The following PHLPP1 variants were observed in gnomAD, a reference collection of about 807,000 sequenced individuals.
PHLPP1 encodes PH domain leucine-rich repeat-containing protein phosphatase 1.
Under a neutral mutation model 117.2 loss-of-function variants are expected in PHLPP1, and 42 were observed. The observed-to-expected ratio is 0.36, with a 90% CI of 0.28 to 0.46. PHLPP1 has a LOEUF of 0.46. PHLPP1 is among the 20% of genes least tolerant of loss of function. The probability of loss-of-function intolerance (pLI) is 1.00; values close to 1 mark genes in which losing one functional copy is unlikely to be tolerated. For missense variants in PHLPP1, 2,084 were observed against 2,241.9 expected (o/e 0.93, Z 1.42); for synonymous variants, 1,042 against 970.7 (o/e 1.07, Z -1.37).
chr18:62,970,745 A>G (rs760985690), intron 14 of PHLPP1, among the ~76,000 whole-genome samples: 2 of 152,138 alleles, frequency 1.3e-5, no homozygotes, highest in Non-Finnish European at 2.9e-5. Flanking sequence ...AGCCTGTGTG[A>G]CAGAGTGAGA....
At chr18:62,926,206 C>A (rs1287396263) in intron 10 of PHLPP1, among the ~76,000 whole-genome samples, 1 of 152,102 alleles carries the variant, frequency 6.6e-6, no homozygotes, top group Non-Finnish European at 1.5e-5. Context: ...TCATTCTTTT[C>A]TCTCCCCTAT....
chr18:62,912,864 A>AC (rs1337570412), intron 8 of PHLPP1, among the ~76,000 whole-genome samples: 3 of 152,016 alleles, frequency 2.0e-5, no homozygotes, highest in African/African-American at 7.2e-5. Flanking sequence ...CAAGTGATCC[A>AC]CCCGCCTTGG....
At position 62,728,768 on chromosome 18, in the gene PHLPP1, A is replaced by G. The variant is rs187872199; in HGVS notation, c.1576+11509A>G. 1.5e-3 allele frequency among the ~76,000 whole-genome samples: 228 copies of G among 152,080 alleles called. 1 individual carries two copies. Among genetic ancestry groups the G allele is most frequent in the African/African-American group, 5.3e-3 (218 of 41,476 alleles). On this transcript the variant is annotated intron_variant, in intron 1 of 16. Coordinates refer to ENST00000262719, the MANE Select transcript of PHLPP1 (RefSeq NM_194449.4). ...GTGATCTGCCCGCCTCGGCCTCCCA[A>G]AGTGCTGGGATTACAGGCATGAGCC...
chr18:62,830,012 A>T, intron 1 of PHLPP1, 23 bp from the exon 2 acceptor site: 1 of 1,574,674 alleles, frequency 6.4e-7, no homozygotes, highest in Non-Finnish European at 8.7e-7. Flanking sequence ...AAAGAATAAC[A>T]TGTTTGCTTC....
At chr18:62,952,672 GC>G (rs1196101172) in intron 12 of PHLPP1, among the ~76,000 whole-genome samples, 1 of 152,206 alleles carries the variant, frequency 6.6e-6, no homozygotes, top group Non-Finnish European at 1.5e-5. Context: ...TGTTGCGCAT[GC>G]CGGAGTGCAG....
At chr18:62,834,893 T>C (rs1914849283) in intron 2 of PHLPP1, among the ~76,000 whole-genome samples, 1 of 151,888 alleles carries the variant, frequency 6.6e-6, no homozygotes. Context: ...TCTCCATCCC[T>C]AAGAAACCTT....
At chr18:62,732,239 C>G (rs1311834260) in intron 1 of PHLPP1, among the ~76,000 whole-genome samples, 2 of 152,170 alleles carry the variant, frequency 1.3e-5, no homozygotes. Context: ...AAAGGATAGG[C>G]TGACTCTCTT....
At chr18:62,822,647 G>C (rs762512639) in intron 1 of PHLPP1, among the ~76,000 whole-genome samples, 1 of 152,144 alleles carries the variant, frequency 6.6e-6, no homozygotes, top group African/African-American at 2.4e-5. Context: ...AAAAAGGAAA[G>C]GATGTCTGCT....
intron 1 of PHLPP1, among the ~76,000 whole-genome samples, chr18:62,795,418 C>T (rs1200474593): frequency 6.9e-6 from 1 of 143,954 alleles, no homozygotes; most frequent in Non-Finnish European, 1.5e-5. Context: ...GTGGAGGTTG[C>T]AGTGAGCCGA....
At chr18:62,914,849 A>G (rs1351633202) in intron 8 of PHLPP1, 64 bp from the exon 9 acceptor site, 8 of 1,089,784 alleles carry the variant, frequency 7.3e-6, no homozygotes, top group Non-Finnish European at 8.3e-6. Flanking sequence ...TTTGTAATCA[A>G]TTTGAGTTTA....
intron 1 of PHLPP1, among the ~76,000 whole-genome samples, chr18:62,743,608 A>G (rs184703900): frequency 6.6e-6 from 1 of 152,308 alleles, no homozygotes; most frequent in Non-Finnish European, 1.5e-5. Flanking sequence ...CCTATTTTTC[A>G]GCAATTACCT....
intron 4 of PHLPP1, among the ~76,000 whole-genome samples, chr18:62,883,674 C>G (rs748297923): frequency 2.6e-5 from 4 of 152,046 alleles, no homozygotes; most frequent in Admixed American, 6.6e-5. Flanking sequence ...ATCAGTTATA[C>G]TTTTAGAAGT....
chr18:62,978,532 G>T lies in PHLPP1; in HGVS notation c.4255G>T (p.Val1419Leu), dbSNP rs778410161. Residue 1419 changes from valine to leucine, a missense_variant, in exon 17 of 17, where the codon GTG (valine) becomes TTG (leucine). Val to Leu is a conservative substitution (Grantham distance 32). Transcript: ENST00000262719. The surrounding 1 kb of genome is among the most constrained non-coding windows in gnomAD (Gnocchi z 7.0). ...YGCHDSISAV[V>L]VQLSVTEDSF... Reference sequence around the variant, plus strand: ...CTGCCACGACAGCATCAGCGCTGTGGTGGTGCAGCTCAGTGTCACTGAGGA... The same window carrying T: ...CTGCCACGACAGCATCAGCGCTGTGTTGGTGCAGCTCAGTGTCACTGAGGA... 3.1e-6 allele frequency: 5 copies of T among 1,611,460 alleles called. No individual in the cohort carries two copies. The Admixed American group carries it at 8.4e-5, about 27-fold the overall frequency.
chr18:62,793,527 A>G (rs747381272), intron 1 of PHLPP1, among the ~76,000 whole-genome samples: 5 of 152,222 alleles, frequency 3.3e-5, no homozygotes, highest in Non-Finnish European at 7.3e-5. Flanking sequence ...GCTCTTCCAT[A>G]GTAACAACCA....
At chr18:62,914,812 G>GT in intron 8 of PHLPP1, 101 bp from the exon 9 acceptor site, 1 of 760,678 alleles carries the variant, frequency 1.3e-6, no homozygotes, top group Non-Finnish European at 2.2e-6. Context: ...TGGTACTTTG[G>GT]TATTTTATTT....
chr18:62,957,598 TTTTGTTTG>T lies in PHLPP1; in HGVS notation c.3325-1019_3325-1012del, dbSNP rs746538503. 1.9e-3 allele frequency among the ~76,000 whole-genome samples: 291 copies of T among 152,236 alleles called. 1 individual carries two copies. The highest frequency in any genetic ancestry group is 3.1e-3 in the Non-Finnish European group (210 of 68,010). ...CATTTTACATGTTCTTTTCTTTGTTTTTTGTTTGTTTGTTTGTTTTCTGTTTTGTTTTG... is the reference window on the plus strand; with the variant it reads ...CATTTTACATGTTCTTTTCTTTGTTTTTTGTTTGTTTTCTGTTTTGTTTTG... On this transcript the variant is annotated intron_variant, in intron 12 of 16. Transcript: ENST00000262719.
intron 1 of PHLPP1, among the ~76,000 whole-genome samples, chr18:62,795,085 A>G (rs1428032545): frequency 6.6e-6 from 1 of 152,170 alleles, no homozygotes; most frequent in Non-Finnish European, 1.5e-5. Context: ...GTAAAGGACT[A>G]GGTAATAAAT....
chr18:62,900,215 T>G (rs530373675), intron 6 of PHLPP1, among the ~76,000 whole-genome samples: 2 of 152,026 alleles, frequency 1.3e-5, no homozygotes, highest in African/African-American at 4.8e-5. Flanking sequence ...GAGACTTGTT[T>G]GAACCCAGGA....
At chr18:62,856,930 T>G (rs1164390965) in intron 3 of PHLPP1, among the ~76,000 whole-genome samples, 1 of 151,104 alleles carries the variant, frequency 6.6e-6, no homozygotes, top group African/African-American at 2.4e-5. Context: ...TTTCTCAAGC[T>G]GTTTTTTTTT....
Sources: allele counts gnomAD v4.1 joint callset (sites outside exome capture counted in the v4.1 genomes callset), GRCh38; gene constraint gnomAD v4.1.1; non-coding constraint Gnocchi (gnomAD v3.1); transcripts MANE v1.5; gene names NCBI Gene and HGNC (gene_info 2026-07-23, HGNC 2026-07-21).